The following CCNH variants were observed in gnomAD, a reference collection of about 807,000 sequenced individuals.
CCNH encodes cyclin-H.
A neutral mutation model predicts 41.9 loss-of-function variants in CCNH; 31 were observed. That is an observed-to-expected ratio of 0.74 (90% confidence interval 0.56 to 1.00). The LOEUF (loss-of-function observed/expected upper bound fraction) is 1.00, where lower values mean the gene tolerates loss of function less well. CCNH is among the 50% of genes least tolerant of loss of function. CCNH has a pLI of 0.00. For missense variants in CCNH, 362 were observed against 388.4 expected (o/e 0.93, Z 0.57); for synonymous variants, 138 against 136.1 (o/e 1.01, Z -0.10).
chr5:87,357,798 G>A (rs1759764520), intron 9 of CCNH, among the ~76,000 whole-genome samples: 1 of 152,286 alleles, frequency 6.6e-6, no homozygotes, highest in African/African-American at 2.4e-5. Context: ...TATGTAATGT[G>A]CCTTGCTCTT....
In CCNH at chr5:87,408,160, T is replaced by G. The variant is rs539013530; in HGVS notation, c.341A>C (p.Lys114Thr). Residue 114 changes from lysine to threonine, a missense_variant, in exon 4 of 9, where the codon AAA (lysine) becomes ACA (threonine). Physicochemically the swap from Lys to Thr is moderately conservative, Grantham distance 78. Coordinates refer to ENST00000256897, the MANE Select transcript of CCNH (RefSeq NM_001239.4). ...IMLTCAFLAC[K>T]VDEFNVSSPQ... The stretch of plus-strand genomic sequence containing the variant: ...ACTAGATACATTGAATTCATCTACT[T>G]TGCAGGCCAAAAATGCACAAGTGAG... 1.9e-6 allele frequency: 3 copies of G among 1,604,840 alleles called. No individual in the cohort carries two copies. Among genetic ancestry groups the G allele is most frequent in the Admixed American group, 1.7e-5 (1 of 59,340 alleles).
chr5:87,404,914 A>G lies in CCNH; in HGVS notation c.619T>C (p.Tyr207His). The change falls in exon 5 of 9, where the codon TAC (tyrosine) becomes CAC (histidine). Residue 207 changes from tyrosine to histidine, a missense_variant. Coordinates refer to ENST00000256897, the MANE Select transcript of CCNH (RefSeq NM_001239.4). ...GTCAGGGCAATTTGGGAAGGTGTGT[A>G]TAAAAGGTAAGCATCCGTCAATGCA... ...RIALTDAYLL[Y>H]TPSQIALTAI... 1 of 1,613,652 alleles carries G rather than the reference A, an allele frequency of 6.2e-7. No individual in the cohort carries two copies. The highest frequency in any genetic ancestry group is 8.5e-7 in the Non-Finnish European group (1 of 1,179,620).
At chr5:87,345,205 G>A (rs564204881) in intron 9 of CCNH, among the ~76,000 whole-genome samples, 1 of 152,212 alleles carries the variant, frequency 6.6e-6, no homozygotes, top group South Asian at 2.1e-4. Context: ...AAACCATGTG[G>A]TTGAAATATA....
chr5:87,343,895 A>G (rs1473024901), intron 9 of CCNH, among the ~76,000 whole-genome samples: 1 of 152,240 alleles, frequency 6.6e-6, no homozygotes, highest in Non-Finnish European at 1.5e-5. Context: ...ATAAACAAGA[A>G]TGAAATCCTG....
intron 9 of CCNH, among the ~76,000 whole-genome samples, chr5:87,384,884 A>G (rs568014929): frequency 2.8e-4 from 43 of 152,148 alleles, no homozygotes; most frequent in African/African-American, 1.0e-3. Context: ...TTGGACTGCA[A>G]ATAATGTTGG....
upstream of CCNH, among the ~76,000 whole-genome samples, chr5:87,379,204 T>A (rs1483595491): frequency 1.3e-5 from 2 of 152,070 alleles, no homozygotes; most frequent in Non-Finnish European, 2.9e-5. Context: ...AGGGAAGAAA[T>A]TAGTGATTTA....
chr5:87,397,063 C>T (rs1469325238), intron 7 of CCNH, among the ~76,000 whole-genome samples: 6 of 152,082 alleles, frequency 3.9e-5, no homozygotes, highest in African/African-American at 4.8e-5. Context: ...AATATTTAGT[C>T]CTAAAGTAGC....
chr5:87,387,458 CCTTT>C (rs767043142), downstream of CCNH, among the ~76,000 whole-genome samples: 10 of 152,230 alleles, frequency 6.6e-5, no homozygotes, highest in Non-Finnish European at 1.0e-4. Context: ...TAGGACCCTG[CCTTT>C]CTTAATCAAG....
intron 9 of CCNH, chr5:87,349,264 G>C: frequency 6.2e-7 from 1 of 1,612,050 alleles, no homozygotes. Flanking sequence ...TACTCCTGGC[G>C]ATTATTCACT....
In CCNH at chr5:87,333,481, C is replaced by G. The variant is rs1296422165; in HGVS notation, c.*91-14584G>C. On this transcript the variant is annotated intron_variant and NMD_transcript_variant, in intron 9 of 9. Coordinates refer to the CCNH transcript ENST00000645953. ...AGCTTTTGATATTGGGTCTGTTGGT[C>G]CTGTATCTCTGGGTTGGCTTATTTG... 2.3e-6 allele frequency: 3 copies of G among 1,321,770 alleles called. No homozygotes were observed. The East Asian group carries it at 7.7e-5, about 34-fold the overall frequency. 81.9% of individuals were successfully genotyped at this position (1,321,770 alleles called of 1,614,324 possible).
chr5:87,324,625 A>G (rs185214598), intron 9 of CCNH, among the ~76,000 whole-genome samples: 9 of 152,288 alleles, frequency 5.9e-5, no homozygotes, highest in Non-Finnish European at 1.0e-4. Context: ...ACTTGATCTG[A>G]GATAAATACA....
At chr5:87,315,557 A>T (rs1002904936), downstream of CCNH, among the ~76,000 whole-genome samples, 16 of 152,166 alleles carry the variant, frequency 1.1e-4, no homozygotes, top group African/African-American at 3.9e-4. Context: ...GCTTCCTTTT[A>T]AAAAAATCTT....
chr5:87,390,529 CAT>C (rs1561334916), downstream of CCNH, among the ~76,000 whole-genome samples: 1 of 151,584 alleles, frequency 6.6e-6, no homozygotes, highest in Non-Finnish European at 1.5e-5. Context: ...CTTCTGACAA[CAT>C]GTGATAGTGT....
intron 9 of CCNH, chr5:87,383,678 TAAA>T (rs368117332): frequency 3.8e-4 from 500 of 1,315,904 alleles, no homozygotes; most frequent in Admixed American, 6.1e-4. Flanking sequence ...AGGTGTTTTC[TAAA>T]AAAAAAAAAA....
intron 9 of CCNH, among the ~76,000 whole-genome samples, chr5:87,329,094 G>A (rs1014865048): frequency 6.6e-6 from 1 of 151,924 alleles, no homozygotes; most frequent in African/African-American, 2.4e-5. Context: ...TTAGATTAAT[G>A]TCTTTCTCCT....
chr5:87,332,027 T>G (rs777606979), intron 9 of CCNH, among the ~76,000 whole-genome samples: 1 of 152,146 alleles, frequency 6.6e-6, no homozygotes, highest in Admixed American at 6.5e-5. Context: ...CTAATGCATA[T>G]AGTGTTAAAT....
At chr5:87,313,043 G>C in the CCNH span, among the ~76,000 whole-genome samples, 1 of 152,182 alleles carries the variant, frequency 6.6e-6, no homozygotes, top group Admixed American at 6.5e-5. Flanking sequence ...TGAATTGGAT[G>C]GGGGCTGAAC....
Position 87,394,587 on chromosome 5 carries a change from TGGATTACAAAA to T in CCNH, c.934-114_934-104del, listed in dbSNP as rs533917930. Reference sequence around the variant, plus strand: ...AAATGTTCTCCTCCTTTTACCCATGTGGATTACAAAAGATAAACCAGGAAATTTTGTAATAG... The same window carrying T: ...AAATGTTCTCCTCCTTTTACCCATGTGATAAACCAGGAAATTTTGTAATAG... On this transcript the variant is annotated intron_variant, in intron 8 of 8. Transcript: ENST00000256897. The T allele has an allele frequency of 6.2e-4, 963 of 1,564,688 alleles. 3 individuals are homozygous for T. The highest frequency in any genetic ancestry group is 5.4e-3 in the African/African-American group (394 of 72,874).
intron 9 of CCNH, among the ~76,000 whole-genome samples, chr5:87,341,789 A>G (rs1758486370): frequency 6.6e-6 from 1 of 152,100 alleles, no homozygotes; most frequent in Admixed American, 6.5e-5. Flanking sequence ...GATCTGAACC[A>G]TTAATCCCAA....
Sources: gnomAD v4.1 joint callset for allele counts (sites outside exome capture counted in the v4.1 genomes callset) on GRCh38, gnomAD v4.1.1 for gene constraint, MANE v1.5 for transcripts, NCBI Gene and HGNC (gene_info 2026-07-23, HGNC 2026-07-21) for gene names.